Variants in THSD7B observed in about 807,000 individuals in gnomAD.
THSD7B encodes the protein thrombospondin type-1 domain-containing protein 7B.
A neutral mutation model predicts 213.6 loss-of-function variants in THSD7B; 138 were observed. That is an observed-to-expected ratio of 0.65 (90% CI 0.56 to 0.74). The LOEUF is 0.74. Among genes scored for constraint, THSD7B ranks in the 30% least tolerant of loss-of-function variants. THSD7B has a pLI of 0.00. For synonymous variants in THSD7B, 742 were observed against 687.0 expected, an observed-to-expected ratio of 1.08 and a Z score of -1.25; for missense variants, 1,931 against 1,991.5, an observed-to-expected ratio of 0.97 and a Z score of 0.58.
At chr2:136,977,801 GT>G (rs56053958) in intron 2 of THSD7B, among the ~76,000 whole-genome samples, 13 of 106,012 alleles carry the variant, frequency 1.2e-4, no homozygotes, top group African/African-American at 6.3e-4. Context: ...TCTTTTCTTT[GT>G]TTTTTTTTTT....
At chr2:137,432,246 C>T (rs957998432) in intron 14 of THSD7B, among the ~76,000 whole-genome samples, 3 of 152,124 alleles carry the variant, frequency 2.0e-5, no homozygotes, top group Non-Finnish European at 2.9e-5. Flanking sequence ...AAAAAATTAG[C>T]TGGGCGTGGC....
At chr2:137,647,040 C>A (rs72844566) in intron 21 of THSD7B, among the ~76,000 whole-genome samples, 1 of 152,070 alleles carries the variant, frequency 6.6e-6, no homozygotes. Context: ...AGCAGCTTAT[C>A]CGTGACCTTC....
intron 11 of THSD7B, among the ~76,000 whole-genome samples, chr2:137,275,008 A>G (rs371912120): frequency 2.5e-4 from 38 of 152,152 alleles, no homozygotes; most frequent in African/African-American, 8.9e-4. Context: ...GTACTGGCTC[A>G]TATGAAAAGG....
chr2:137,146,858 A>G (rs147645619), intron 5 of THSD7B, among the ~76,000 whole-genome samples: 44 of 152,254 alleles, frequency 2.9e-4, no homozygotes, highest in South Asian at 1.2e-3. Context: ...ATAGTCTAAT[A>G]TGTTTATTTT....
intron 2 of THSD7B, among the ~76,000 whole-genome samples, chr2:136,904,414 C>T (rs192968542): frequency 6.6e-6 from 1 of 152,318 alleles, no homozygotes; most frequent in East Asian, 1.9e-4. Flanking sequence ...ACCACCCCAA[C>T]CACTGGAAGG....
At chr2:137,286,427 GT>G (rs1415056451) in intron 12 of THSD7B, among the ~76,000 whole-genome samples, 13 of 152,102 alleles carry the variant, frequency 8.5e-5, no homozygotes, top group Middle Eastern at 3.2e-3. Flanking sequence ...CAATCAGCAC[GT>G]TGTGTTCTTC....
At chr2:137,037,414 G>A (rs1055618166) in intron 2 of THSD7B, among the ~76,000 whole-genome samples, 9 of 150,696 alleles carry the variant, frequency 6.0e-5, no homozygotes, top group East Asian at 3.9e-4. Flanking sequence ...GTATGTATAC[G>A]TATATATATA....
At chr2:137,262,553 C>T (rs1466240891) in intron 10 of THSD7B, among the ~76,000 whole-genome samples, 1 of 152,110 alleles carries the variant, frequency 6.6e-6, no homozygotes, top group Non-Finnish European at 1.5e-5. Flanking sequence ...TTGTTATTAA[C>T]CTTCCTTGTT....
intron 2 of THSD7B, among the ~76,000 whole-genome samples, chr2:137,022,179 GTT>G (rs1343982514): frequency 1.3e-5 from 2 of 152,232 alleles, no homozygotes; most frequent in East Asian, 3.9e-4. Context: ...CATGAAATAA[GTT>G]TTTATTTAAC....
intron 14 of THSD7B, among the ~76,000 whole-genome samples, chr2:137,436,650 C>T (rs911055463): frequency 6.6e-6 from 1 of 152,102 alleles, no homozygotes. Context: ...TATGAACAGT[C>T]TTACAACAGC....
Position 136,856,517 on chromosome 2 carries a change from A to AT in THSD7B, c.-35-25611dup, listed in dbSNP as rs34017749. ...AGATCACTCCATTATAATGAGCTGG[A>AT]TTTTTTTTTTTTTTTTGAGACAGAG... On this transcript the variant is annotated intron_variant, in intron 1 of 27. Coordinates refer to ENST00000409968, the MANE Select transcript of THSD7B (RefSeq NM_001316349.2). Among the ~76,000 whole-genome samples the AT allele has an allele frequency of 6.9e-3, 974 of 140,348 alleles. 7 individuals are homozygous for AT. The Middle Eastern group carries it at 0.077, about 11-fold the overall frequency. 92.1% of individuals were successfully genotyped at this position (140,348 alleles called of 152,430 possible). A position where few individuals can be genotyped will look rare whatever the true frequency, so the allele number is the denominator to read the frequency against.
intron 2 of THSD7B, among the ~76,000 whole-genome samples, chr2:136,995,138 A>G (rs948682219): frequency 1.3e-5 from 2 of 152,226 alleles, no homozygotes; most frequent in African/African-American, 4.8e-5. Context: ...AGAAGGATCA[A>G]TCCTACCCAA....
chr2:137,426,458 G>C (rs1161531910), intron 14 of THSD7B, among the ~76,000 whole-genome samples: 1 of 152,108 alleles, frequency 6.6e-6, no homozygotes, highest in Non-Finnish European at 1.5e-5. Flanking sequence ...ATCATTAGCA[G>C]TATGGTACAG....
At chr2:137,357,811 C>T (rs1685168116) in intron 12 of THSD7B, among the ~76,000 whole-genome samples, 1 of 152,096 alleles carries the variant, frequency 6.6e-6, no homozygotes. Context: ...TTACAATAGC[C>T]CATGTGATTG....
intron 5 of THSD7B, among the ~76,000 whole-genome samples, chr2:137,123,628 C>T (rs746825029): frequency 7.2e-5 from 11 of 152,086 alleles, no homozygotes; most frequent in Admixed American, 3.9e-4. Context: ...TCAGCGATAA[C>T]GTTCAATGAA....
At chr2:136,994,934 A>G (rs766846776) in intron 2 of THSD7B, among the ~76,000 whole-genome samples, 3 of 152,202 alleles carry the variant, frequency 2.0e-5, no homozygotes, top group Non-Finnish European at 4.4e-5. Context: ...AGTTTGGAAG[A>G]GTTGCTAGAT....
intron 14 of THSD7B, among the ~76,000 whole-genome samples, chr2:137,420,299 C>T (rs1363845971): frequency 6.6e-6 from 1 of 152,094 alleles, no homozygotes; most frequent in Non-Finnish European, 1.5e-5. Context: ...GCCTTCTGTA[C>T]CTATCTACTT....
rs1399631760 is a variant in THSD7B at position 137,631,816 on chromosome 2, C to T, written c.3800-10672C>T. The stretch of plus-strand genomic sequence containing the variant: ...GATCTGTGTTTTAGAGTCAGCTTTT[C>T]CATGGCAAGCTGTAGGATGTCGGAC... On this transcript the variant is annotated intron_variant, in intron 20 of 27. Coordinates refer to ENST00000409968, the MANE Select transcript of THSD7B (RefSeq NM_001316349.2). Among the ~76,000 whole-genome samples the T allele has an allele frequency of 3.3e-5, 5 of 152,140 alleles. No individual in the cohort carries two copies. The East Asian group carries it at 9.6e-4, about 29-fold the overall frequency.
At chr2:137,651,786 A>G (rs764740408) in intron 21 of THSD7B, among the ~76,000 whole-genome samples, 1 of 151,630 alleles carries the variant, frequency 6.6e-6, no homozygotes, top group South Asian at 2.1e-4. Flanking sequence ...AAATTTTTAC[A>G]TTTTCTTAAT....
Sources: allele counts gnomAD v4.1 joint callset (sites outside exome capture counted in the v4.1 genomes callset), GRCh38; gene constraint gnomAD v4.1.1; transcripts MANE v1.5; gene names NCBI Gene and HGNC (gene_info 2026-07-23, HGNC 2026-07-21).